Variants in GPR141 observed in about 807,000 individuals in gnomAD.
GPR141 encodes probable G protein-coupled receptor 141.
GPR141 carries 6 observed loss-of-function variants against 6.8 expected under a neutral mutation model. That is an observed-to-expected ratio of 0.88 (90% CI 0.48 to 1.74). The LOEUF is 1.74. Ranked by LOEUF, GPR141 falls within the 40% of genes most tolerant of loss-of-function variation. The probability of loss-of-function intolerance (pLI) is 0.01; values close to 1 mark genes in which losing one functional copy is unlikely to be tolerated. For missense variants in GPR141, 372 were observed against 372.9 expected, an observed-to-expected ratio of 1.00 and a Z score of 0.02; for synonymous variants, 140 against 142.3, an observed-to-expected ratio of 0.98 and a Z score of 0.11.
chr7:37,706,985 G>A (rs2392511), intron 2 of GPR141, among the ~76,000 whole-genome samples: 1 of 151,244 alleles, frequency 6.6e-6, no homozygotes, highest in African/African-American at 2.4e-5. Flanking sequence ...TCTCTTCCAC[G>A]CCCACTGCCT....
intron 2 of GPR141, among the ~76,000 whole-genome samples, chr7:37,734,894 G>A (rs913451016): frequency 2.0e-5 from 3 of 152,018 alleles, no homozygotes; most frequent in Admixed American, 1.3e-4. Context: ...CTGCCAGCAG[G>A]GATTAGATGA....
intron 2 of GPR141, among the ~76,000 whole-genome samples, chr7:37,722,796 G>T (rs1296116805): frequency 6.6e-6 from 1 of 151,624 alleles, no homozygotes; most frequent in Non-Finnish European, 1.5e-5. Context: ...AAAAAACATG[G>T]TTTGAAAATT....
chr7:37,690,776 A>G (rs1272366669), intron 2 of GPR141, among the ~76,000 whole-genome samples: 1 of 152,168 alleles, frequency 6.6e-6, no homozygotes, highest in Non-Finnish European at 1.5e-5. Context: ...AAAAAAAAAA[A>G]AGTGTATTCT....
At chr7:37,697,539 A>G (rs1037973255) in intron 2 of GPR141, among the ~76,000 whole-genome samples, 1 of 152,224 alleles carries the variant, frequency 6.6e-6, no homozygotes, top group Non-Finnish European at 1.5e-5. Context: ...AGCAGCCTCC[A>G]TGCTCAGGCA....
chr7:37,716,199 G>A (rs1354766583), intron 2 of GPR141, among the ~76,000 whole-genome samples: 1 of 152,244 alleles, frequency 6.6e-6, no homozygotes, highest in East Asian at 1.9e-4. Flanking sequence ...TGCTAAGAAC[G>A]GTGGGAGAAA....
chr7:37,740,902 A>C lies in GPR141; in HGVS notation c.509A>C (p.His170Pro). Residue 170 changes from histidine to proline, a missense_variant, in exon 3 of 3, where the codon CAC becomes CCC. Coordinates refer to ENST00000334425, the MANE Select transcript of GPR141 (RefSeq NM_001381946.1). ...EYNEEHCFKFHKELAYTYVKI... is the reference protein window; with the variant it reads ...EYNEEHCFKFPKELAYTYVKI... Reference sequence around the variant, plus strand: ...AATGAGGAGCACTGTTTTAAATTTCACAAAGAGCTTGCTTACACATATGTG... The same window carrying C: ...AATGAGGAGCACTGTTTTAAATTTCCCAAAGAGCTTGCTTACACATATGTG... 1.2e-6 allele frequency: 2 copies of C among 1,614,170 alleles called. No homozygotes were observed. The highest frequency in any genetic ancestry group is 1.7e-6 in the Non-Finnish European group (2 of 1,180,010).
chr7:37,702,642 C>T (rs549519076), intron 2 of GPR141, among the ~76,000 whole-genome samples: 5 of 151,246 alleles, frequency 3.3e-5, no homozygotes, highest in South Asian at 4.2e-4. Flanking sequence ...TGCTAGATGA[C>T]GAGTTAGTGG....
chr7:37,714,226 G>C (rs112063531), intron 2 of GPR141, among the ~76,000 whole-genome samples: 1 of 152,156 alleles, frequency 6.6e-6, no homozygotes, highest in African/African-American at 2.4e-5. Context: ...GTACTTTGAA[G>C]TGAAGAGATT....
intron 2 of GPR141, among the ~76,000 whole-genome samples, chr7:37,706,865 A>G (rs1810546879): frequency 6.6e-6 from 1 of 152,192 alleles, no homozygotes; most frequent in Non-Finnish European, 1.5e-5. Flanking sequence ...AGACCCTTGC[A>G]AATAGCCTGG....
intron 2 of GPR141, chr7:37,730,051 CCTAAGTATAA>C (rs1583570396): frequency 6.6e-6 from 1 of 152,194 alleles, no homozygotes; most frequent in East Asian, 1.9e-4. Context: ...CAGTTCAATG[CCTAAGTATAA>C]CACCAGCATC....
At chr7:37,722,380 C>T (rs1169452315) in intron 2 of GPR141, among the ~76,000 whole-genome samples, 2 of 151,312 alleles carry the variant, frequency 1.3e-5, no homozygotes, top group African/African-American at 4.9e-5. Flanking sequence ...GACTTGAGGC[C>T]AGGAGCTTGA....
chr7:37,686,674 A>G (rs1299612152), intron 2 of GPR141, among the ~76,000 whole-genome samples: 2 of 152,130 alleles, frequency 1.3e-5, no homozygotes, highest in Non-Finnish European at 2.9e-5. Context: ...CGTACCATAG[A>G]TAGTGAAGGC....
intron 2 of GPR141, among the ~76,000 whole-genome samples, chr7:37,690,659 G>A (rs953676136): frequency 2.0e-5 from 3 of 151,956 alleles, no homozygotes; most frequent in South Asian, 2.1e-4. Flanking sequence ...TTATTTCATC[G>A]TGGTAAGAAA....
At chr7:37,699,560 C>G (rs1479288908) in intron 2 of GPR141, among the ~76,000 whole-genome samples, 4 of 151,992 alleles carry the variant, frequency 2.6e-5, no homozygotes, top group Admixed American at 6.6e-5. Context: ...GACTCCGACT[C>G]AAAAAACAAA....
chr7:37,702,568 C>T (rs867962995), intron 2 of GPR141, among the ~76,000 whole-genome samples: 4 of 151,640 alleles, frequency 2.6e-5, no homozygotes, highest in African/African-American at 4.8e-5. Flanking sequence ...ACACATATCT[C>T]GGAACACATA....
intron 2 of GPR141, among the ~76,000 whole-genome samples, chr7:37,724,032 G>A (rs919894352): frequency 1.3e-5 from 2 of 152,228 alleles, no homozygotes; most frequent in African/African-American, 2.4e-5. Flanking sequence ...GGTGGCAGCA[G>A]GGGTGCCCTG....
intron 2 of GPR141, among the ~76,000 whole-genome samples, chr7:37,687,486 G>A (rs1456769001): frequency 6.6e-6 from 1 of 152,106 alleles, no homozygotes; most frequent in Non-Finnish European, 1.5e-5. Flanking sequence ...CAGTGAGCCT[G>A]TGCAGTATCA....
chr7:37,739,246 G>A (rs1055333210), intron 2 of GPR141, among the ~76,000 whole-genome samples: 3 of 152,184 alleles, frequency 2.0e-5, no homozygotes, highest in African/African-American at 7.2e-5. Context: ...CATATGTGTT[G>A]CAAAGGTCAG....
Position 37,736,030 on chromosome 7 carries a change from G to C in GPR141, c.-14-4350G>C, listed in dbSNP as rs189201391. Reference sequence around the variant, plus strand: ...TCCCAGCACTTTGGGAGGCTGAGGCGGGTGGATCACTTGAGGTCAGGAGTT... The same window carrying C: ...TCCCAGCACTTTGGGAGGCTGAGGCCGGTGGATCACTTGAGGTCAGGAGTT... On this transcript the variant is annotated intron_variant, in intron 2 of 2. Coordinates refer to ENST00000334425, the MANE Select transcript of GPR141 (RefSeq NM_001381946.1). Among the ~76,000 whole-genome samples, 7 of 152,042 alleles carry C rather than the reference G, an allele frequency of 4.6e-5. 1 individual carries two copies. The highest frequency in any genetic ancestry group is 1.0e-4 in the Non-Finnish European group (7 of 67,998).
Sources: allele counts gnomAD v4.1 joint callset (sites outside exome capture counted in the v4.1 genomes callset), GRCh38; gene constraint gnomAD v4.1.1; transcripts MANE v1.5; gene names NCBI Gene and HGNC (gene_info 2026-07-23, HGNC 2026-07-21).